The following SLC6A16 variants were observed in gnomAD, a reference collection of about 807,000 sequenced individuals.
SLC6A16 encodes orphan sodium- and chloride-dependent neurotransmitter transporter NTT5.
In SLC6A16, 54 loss-of-function variants were observed where a neutral mutation model predicts 65.4. The observed-to-expected ratio is 0.83, with a 90% CI of 0.66 to 1.04. The LOEUF (loss-of-function observed/expected upper bound fraction) is 1.04, where lower values mean the gene tolerates loss of function less well. SLC6A16 is among the 50% of genes least tolerant of loss of function. SLC6A16 has a pLI of 0.00. For missense variants in SLC6A16, 816 were observed against 914.0 expected (o/e 0.89, Z 1.38); for synonymous variants, 330 against 346.5 (o/e 0.95, Z 0.53).
intron 1 of SLC6A16, among the ~76,000 whole-genome samples, chr19:49,324,470 T>C (rs1351549311): frequency 2.6e-5 from 4 of 152,162 alleles, no homozygotes; most frequent in Non-Finnish European, 5.9e-5. Context: ...ATAAAGCCCC[T>C]TGAGCCCCAG....
upstream of SLC6A16, among the ~76,000 whole-genome samples, chr19:49,327,433 G>T (rs574244434): frequency 6.6e-6 from 1 of 152,314 alleles, no homozygotes; most frequent in Admixed American, 6.5e-5. Flanking sequence ...AAATAACACT[G>T]GAGTTGAGGC....
the SLC6A16 span, chr19:49,337,012 G>A: frequency 6.2e-7 from 1 of 1,613,546 alleles, no homozygotes; most frequent in Non-Finnish European, 8.5e-7. Context: ...CCCTCAAGGA[G>A]CTCCGCTGCC....
chr19:49,338,771 G>C, the SLC6A16 span: 1 of 1,613,760 alleles, frequency 6.2e-7, no homozygotes, highest in Non-Finnish European at 8.5e-7. This position sits in a 1 kb window ranked among gnomAD's most constrained non-coding sequence, Gnocchi z 5.0. Flanking sequence ...ACGGGTCGGA[G>C]GCGCACCGCG....
At chr19:49,323,945 G>A (rs1365283978) in intron 1 of SLC6A16, among the ~76,000 whole-genome samples, 1 of 152,160 alleles carries the variant, frequency 6.6e-6, no homozygotes, top group Non-Finnish European at 1.5e-5. Flanking sequence ...TGGAAGGATT[G>A]CTTGAGCCCA....
chr19:49,308,976 C>G lies in SLC6A16; in HGVS notation c.1129G>C (p.Val377Leu), dbSNP rs570510329. Reference protein sequence around the residue: ...SNNCLSDAFLVSVINLLTLLV... With the variant: ...SNNCLSDAFLLSVINLLTLLV... The stretch of plus-strand genomic sequence containing the variant: ...AAAGTGAGCAGGTTTATCACAGACA[C>G]GAGAAAGGCATCACTGAGACAGTTG... The change falls in exon 7 of 12, where the codon GTG becomes CTG. Residue 377 changes from valine to leucine, a missense_variant. By Grantham distance (32) the Val-to-Leu change is conservative. Coordinates refer to ENST00000335875, the MANE Select transcript of SLC6A16 (RefSeq NM_014037.3). 12 of 1,614,140 alleles carry G rather than the reference C, an allele frequency of 7.4e-6. No individual in the cohort carries two copies. Among genetic ancestry groups the G allele is most frequent in the Non-Finnish European group, 1.0e-5 (12 of 1,180,020 alleles).
upstream of SLC6A16, among the ~76,000 whole-genome samples, chr19:49,329,255 A>ATCC: frequency 6.6e-6 from 1 of 151,334 alleles, no homozygotes; most frequent in East Asian, 2.0e-4. Flanking sequence ...CATCCAGCTA[A>ATCC]TTTTTGTATT....
chr19:49,332,028 T>C, the SLC6A16 span: 1 of 452,354 alleles, frequency 2.2e-6, no homozygotes, highest in African/African-American at 2.0e-5. Flanking sequence ...GACTTACTAC[T>C]TAGAACAACA....
chr19:49,300,976 C>T (rs773985296), intron 7 of SLC6A16, among the ~76,000 whole-genome samples: 7 of 151,926 alleles, frequency 4.6e-5, no homozygotes, highest in Admixed American at 6.6e-5. Context: ...TGCTTGATTC[C>T]GGGAGGCGGA....
chr19:49,292,461 T>C lies in SLC6A16; in HGVS notation c.1778+762A>G, dbSNP rs35209882. On this transcript the variant is annotated intron_variant, in intron 10 of 11. Transcript: ENST00000335875. The surrounding 1 kb of genome is among the most constrained non-coding windows in gnomAD (Gnocchi z 4.3). ...TGGTCTGTTCTCCAGACAGCAGCCA[T>C]AAATACCTTTTTAAAAAACAAATCT... Among the ~76,000 whole-genome samples the C allele has an allele frequency of 0.029, 4,407 of 152,278 alleles. 98 individuals carry two copies. Among genetic ancestry groups the C allele is most frequent in the Middle Eastern group, 0.092 (27 of 294 alleles).
intron 1 of SLC6A16, among the ~76,000 whole-genome samples, chr19:49,316,856 CCA>C (rs1970620471): frequency 1.6e-5 from 2 of 124,076 alleles, no homozygotes; most frequent in African/African-American, 3.3e-5. Context: ...CCCATCTCTA[CCA>C]AAAAAAAAAA....
intron 1 of SLC6A16, among the ~76,000 whole-genome samples, chr19:49,317,149 G>A (rs1970626080): frequency 6.6e-6 from 1 of 151,188 alleles, no homozygotes; most frequent in Non-Finnish European, 1.5e-5. Context: ...AGACAAGCCT[G>A]GCCAATATGG....
intron 1 of SLC6A16, among the ~76,000 whole-genome samples, chr19:49,322,057 G>C (rs1251264710): frequency 4.6e-5 from 7 of 152,012 alleles, no homozygotes. Flanking sequence ...GTCTAATTTT[G>C]CCACTTTTAT....
chr19:49,337,026 T>G, the SLC6A16 span: 74 of 1,613,196 alleles, frequency 4.6e-5, no homozygotes, highest in Non-Finnish European at 6.2e-5. Context: ...CGCTGCCTCC[T>G]GGGCCTGGTG....
At position 49,290,587 on chromosome 19, in the gene SLC6A16, GTCC is replaced by G. The variant is rs757297979; in HGVS notation, c.1941+15_1941+17del. Reference sequence around the variant, plus strand: ...GCCCCTACTCCCAAAGGGGTTCTGGGTCCTGGGGGAGGCTCACGGTGCTTGAGT... The same window carrying G: ...GCCCCTACTCCCAAAGGGGTTCTGGGTGGGGGAGGCTCACGGTGCTTGAGT... On this transcript the variant is annotated intron_variant, in intron 11 of 11. Coordinates refer to ENST00000335875, the MANE Select transcript of SLC6A16 (RefSeq NM_014037.3). The G allele has an allele frequency of 6.2e-7, 1 of 1,613,770 alleles. No individual in the cohort carries two copies. The highest frequency in any genetic ancestry group is 8.5e-7 in the Non-Finnish European group (1 of 1,179,746).
At position 49,290,334 on chromosome 19, in the gene SLC6A16, A is replaced by C. The variant is rs1220241400; in HGVS notation, c.2000T>G (p.Phe667Cys). 1 of 1,613,990 alleles carries C rather than the reference A, an allele frequency of 6.2e-7. No individual in the cohort carries two copies. Among genetic ancestry groups the C allele is most frequent in the African/African-American group, 1.3e-5 (1 of 74,904 alleles). ...PWALLLMITL[F>C]AIVILPIPAY... ...AGGGATGGGGAGGATGACAATGGCA[A>C]AAAGGGTGATCATCAAGAGCAGTGC... The change falls in exon 12 of 12, where the codon TTT becomes TGT. Residue 667 changes from phenylalanine to cysteine, a missense_variant. Physicochemically the swap from Phe to Cys is radical, Grantham distance 205. Coordinates refer to ENST00000335875, the MANE Select transcript of SLC6A16 (RefSeq NM_014037.3).
intron 1 of SLC6A16, among the ~76,000 whole-genome samples, chr19:49,313,625 CA>C (rs902187308): frequency 0.019 from 878 of 47,392 alleles, 2 homozygotes; most frequent in South Asian, 0.051. Context: ...ACTAAAAATG[CA>C]AAAAAAAAAA....
upstream of SLC6A16, among the ~76,000 whole-genome samples, chr19:49,328,036 G>C (rs1342209631): frequency 6.6e-6 from 1 of 152,124 alleles, no homozygotes; most frequent in East Asian, 1.9e-4. Flanking sequence ...GCTATTTGAG[G>C]GTTCTGAGTC....
At chr19:49,340,329 G>T in the SLC6A16 span, 2 of 1,609,406 alleles carry the variant, frequency 1.2e-6, no homozygotes, top group Middle Eastern at 1.7e-4. Context: ...ATACCGTTAG[G>T]CCCCGCCCTC....
intron 7 of SLC6A16, among the ~76,000 whole-genome samples, chr19:49,304,537 G>A (rs963879665): frequency 6.6e-6 from 1 of 152,078 alleles, no homozygotes; most frequent in Non-Finnish European, 1.5e-5. Flanking sequence ...AGGCTGAGGT[G>A]GGCGGATCAC....
Sources: gnomAD v4.1 joint callset for allele counts (sites outside exome capture counted in the v4.1 genomes callset) on GRCh38, gnomAD v4.1.1 for gene constraint, Gnocchi (gnomAD v3.1) non-coding constraint, MANE v1.5 for transcripts, NCBI Gene and HGNC (gene_info 2026-07-23, HGNC 2026-07-21) for gene names.